The following RBM10 variants were observed in gnomAD, a reference collection of about 807,000 sequenced individuals.
The protein encoded by RBM10 is RNA binding motif protein 10, also known as RNA-binding protein 10.
RBM10 carries 1 observed loss-of-function variant against 84.9 expected under a neutral mutation model. The observed-to-expected ratio is 0.01, with a 90% CI of 0.00 to 0.06. The LOEUF is 0.06. RBM10 is among the 10% of genes least tolerant of loss of function. The pLI is 1.00. For synonymous variants in RBM10, 326 were observed against 344.5 expected (o/e 0.95, Z 0.60); for missense variants, 438 against 839.0 (o/e 0.52, Z 5.90).
At chrX:47,169,223 C>T (rs1049938261) in intron 2 of RBM10, 92 bp from the exon 3 acceptor site, 2 of 951,143 alleles carry the variant, frequency 2.1e-6, no homozygotes, top group Non-Finnish European at 2.9e-6. Context: ...TCCAAAAAAA[C>T]CAAAACCCTA....
Position 47,179,949 on chromosome X carries a change from C to T in RBM10, c.971C>T (p.Ala324Val), listed in dbSNP as rs1377736520. ...ATCCTGGGGGCCCTGGCACCCTACG[C>T]GGTGCTGTCCTCCTCCAACGTGCGC... is the stretch of plus-strand genomic sequence containing the variant. Reference protein sequence around the residue: ...DSILGALAPYAVLSSSNVRVI... With the variant: ...DSILGALAPYVVLSSSNVRVI... Residue 324 changes from alanine to valine, a missense_variant, in exon 10 of 24, where the codon GCG (alanine) becomes GTG (valine). Physicochemically the swap from Ala to Val is moderately conservative, Grantham distance 64. Around this residue, in one of 8 missense-constraint regions of RBM10, gnomAD observed 33 missense variants for 115.0 expected, o/e 0.29. Coordinates refer to ENST00000377604, the MANE Select transcript of RBM10 (RefSeq NM_005676.5). 8.3e-7 allele frequency: 1 copy of T among 1,210,719 alleles called. No homozygotes were observed. The highest frequency in any genetic ancestry group is 1.1e-6 in the Non-Finnish European group (1 of 894,803).
chrX:47,162,429 A>T (rs182456661), intron 2 of RBM10, among the ~76,000 whole-genome samples: 95 of 112,191 alleles, frequency 8.5e-4, no homozygotes, highest in African/African-American at 3.1e-3. Context: ...ACTAGTGATT[A>T]TTGTATAGTA....
At position 47,181,825 on chromosome X, in the gene RBM10, C is replaced by T. The variant is rs782543998; in HGVS notation, c.1652C>T (p.Pro551Leu). 2.0e-5 allele frequency: 24 copies of T among 1,211,644 alleles called. No individual in the cohort carries two copies. Among genetic ancestry groups the T allele is most frequent in the East Asian group, 5.9e-5 (2 of 33,855 alleles). Residue 551 changes from proline to leucine, a missense_variant, in exon 15 of 24, where the codon CCG (proline) becomes CTG (leucine). By Grantham distance (98) the Pro-to-Leu change is moderately conservative. This residue lies in a region of RBM10 where 97 missense variants were observed against 110.3 expected (regional missense o/e 0.88). Transcript: ENST00000377604. Reference protein sequence around the residue: ...SPTHPSSALPPATSPTAQESY... With the variant: ...SPTHPSSALPLATSPTAQESY... ...ACCCATCCTAGTTCTGCTCTCCCAC[C>T]GGCTACCAGCCCCACTGCCCAGGAA...
chrX:47,181,500 C>G lies in RBM10; in HGVS notation c.1436-7C>G. The G allele has an allele frequency of 2.5e-6, 3 of 1,211,815 alleles. No individual in the cohort carries two copies. The highest frequency in any genetic ancestry group is 3.4e-6 in the Non-Finnish European group (3 of 895,399). On this transcript the variant is annotated splice_polypyrimidine_tract_variant and splice_region_variant and intron_variant, in intron 13 of 23. Coordinates refer to ENST00000377604, the MANE Select transcript of RBM10 (RefSeq NM_005676.5). ...AGGCATTGTCCCTGCCCTGTCCCTCCTTACAGGTCCCGAGGCCTCCCTAGA... is the reference window on the plus strand; with the variant it reads ...AGGCATTGTCCCTGCCCTGTCCCTCGTTACAGGTCCCGAGGCCTCCCTAGA...
In RBM10 at chrX:47,179,514, C is replaced by T. The variant is rs782014713; in HGVS notation, c.901+19C>T. On this transcript the variant is annotated intron_variant, in intron 9 of 23. Transcript: ENST00000377604. Reference sequence around the variant, plus strand: ...AATGACAGTGAGTCAGTTGTTCCTTCTTCCTCTGTGCCCTAGGGTGTCGGG... The same window carrying T: ...AATGACAGTGAGTCAGTTGTTCCTTTTTCCTCTGTGCCCTAGGGTGTCGGG... 8.4e-6 allele frequency: 10 copies of T among 1,191,479 alleles called. No individual in the cohort carries two copies. In the Admixed American group the frequency reaches 1.5e-4, roughly 18 times the overall value.
chrX:47,178,951 A>G, intron 7 of RBM10, 152 bp from the exon 8 acceptor site: 1 of 1,089,273 alleles, frequency 9.2e-7, no homozygotes, highest in Non-Finnish European at 1.2e-6. Flanking sequence ...ACTGAGAACA[A>G]CATCAGAAGG....
intron 17 of RBM10, among the ~76,000 whole-genome samples, chrX:47,182,880 A>G (rs1206755300): frequency 8.9e-6 from 1 of 112,588 alleles, no homozygotes; most frequent in African/African-American, 3.2e-5. Flanking sequence ...TCATGCATAT[A>G]AAGTTATACA....
In RBM10 at chrX:47,181,822, C is replaced by T. The variant is rs1556779840; in HGVS notation, c.1649C>T (p.Pro550Leu). ...QSPTHPSSAL[P>L]PATSPTAQES... is the part of the protein sequence containing the mutation. Reference sequence around the variant, plus strand: ...CCTACCCATCCTAGTTCTGCTCTCCCACCGGCTACCAGCCCCACTGCCCAG... The same window carrying T: ...CCTACCCATCCTAGTTCTGCTCTCCTACCGGCTACCAGCCCCACTGCCCAG... The change falls in exon 15 of 24, where the codon CCA becomes CTA. Residue 550 changes from proline to leucine, a missense_variant. Coordinates refer to ENST00000377604, the MANE Select transcript of RBM10 (RefSeq NM_005676.5). 2 of 1,211,642 alleles carry T rather than the reference C, an allele frequency of 1.7e-6. No homozygotes were observed. Among genetic ancestry groups the T allele is most frequent in the Non-Finnish European group, 2.2e-6 (2 of 895,528 alleles).
intron 13 of RBM10, 38 bp downstream of exon 13, chrX:47,181,439 G>A (rs2147186927): frequency 8.3e-7 from 1 of 1,207,972 alleles, no homozygotes; most frequent in South Asian, 1.8e-5. Flanking sequence ...TGTGGTGGGG[G>A]CCAGCAGGCA....
chrX:47,171,299 G>A (rs369544428), intron 4 of RBM10, 41 bp downstream of exon 4: 7 of 1,201,232 alleles, frequency 5.8e-6, no homozygotes, highest in Non-Finnish European at 7.8e-6. Flanking sequence ...GCCAGGCTGG[G>A]TCTCCTCCAG....
intron 2 of RBM10, among the ~76,000 whole-genome samples, chrX:47,156,058 C>T (rs1321847396): frequency 9.1e-6 from 1 of 110,096 alleles, no homozygotes; most frequent in East Asian, 2.9e-4. Flanking sequence ...ATCTGCCTGC[C>T]TCGGCCTCCC....
In RBM10 at chrX:47,181,292, G is replaced by C. The variant is rs868970029; in HGVS notation, c.1326G>C (p.Glu442Asp). Residue 442 changes from glutamate (E) to aspartate (D), a missense_variant, in exon 13 of 24, where the codon GAG becomes GAC. By Grantham distance (45) the Glu-to-Asp change is conservative. Coordinates refer to ENST00000377604, the MANE Select transcript of RBM10 (RefSeq NM_005676.5). ...PVDYSYYQQD[E>D]GYGNSQGTES... ...ACTACAGCTACTACCAACAGGATGA[G>C]GGCTATGGCAACAGCCAGGGCACAG... 8.4e-7 allele frequency: 1 copy of C among 1,185,197 alleles called. No individual in the cohort carries two copies. The highest frequency in any genetic ancestry group is 1.9e-5 in the South Asian group (1 of 54,000).
chrX:47,181,209 C>A lies in RBM10; in HGVS notation c.1249-6C>A. ...TTCTAATGAACCCCTCCCACCTGCC[C>A]TTCAGGCCTCCCAAGGTGGGGAGGG... On this transcript the variant is annotated splice_polypyrimidine_tract_variant and splice_region_variant and intron_variant, in intron 12 of 23. Transcript: ENST00000377604. 9.9e-7 allele frequency: 1 copy of A among 1,006,726 alleles called. No homozygotes were observed. The highest frequency in any genetic ancestry group is 1.3e-6 in the Non-Finnish European group (1 of 774,819). 83.0% of individuals were successfully genotyped at this position (1,006,726 alleles called of 1,213,427 possible).
intron 2 of RBM10, among the ~76,000 whole-genome samples, chrX:47,163,446 A>G (rs1933886262): frequency 8.9e-6 from 1 of 112,220 alleles, no homozygotes; most frequent in African/African-American, 3.2e-5. Flanking sequence ...TTATTTCAAA[A>G]TAAGAAGTTT....
intron 11 of RBM10, 41 bp from the exon 12 acceptor site, chrX:47,180,378 G>A: frequency 8.5e-7 from 1 of 1,170,234 alleles, no homozygotes. Flanking sequence ...CTACCGCTTG[G>A]GGCCTCCTAT....
intron 17 of RBM10, 115 bp from the exon 18 acceptor site, chrX:47,184,940 C>G: frequency 1.1e-6 from 1 of 905,899 alleles, no homozygotes; most frequent in Non-Finnish European, 1.6e-6. Context: ...GTGGTTCGGA[C>G]TAGGGATAGT....
In RBM10 at chrX:47,168,409, G is replaced by T. The variant is rs181249336; in HGVS notation, c.18-906G>T. ...CAAAAAATACAAAAATGAGCTGGGC[G>T]TGGTGGTGCGTGCCTGTGGTCCCAA... On this transcript the variant is annotated intron_variant, in intron 2 of 23. Coordinates refer to ENST00000377604, the MANE Select transcript of RBM10 (RefSeq NM_005676.5). Among the ~76,000 whole-genome samples, 957 of 110,924 alleles carry T rather than the reference G, an allele frequency of 8.6e-3. 10 individuals are homozygous for T. The highest frequency in any genetic ancestry group is 0.03 in the African/African-American group (917 of 30,508).
chrX:47,173,556 C>T (rs1487986071), intron 5 of RBM10, among the ~76,000 whole-genome samples: 1 of 112,452 alleles, frequency 8.9e-6, no homozygotes, highest in Non-Finnish European at 1.9e-5. Context: ...CCTTCCTCTG[C>T]CCCTCACTTT....
intron 2 of RBM10, among the ~76,000 whole-genome samples, chrX:47,150,649 C>G (rs1335676521): frequency 2.7e-5 from 3 of 111,938 alleles, no homozygotes; most frequent in Admixed American, 1.9e-4. Flanking sequence ...ATTTCAGGTT[C>G]CCTCATGTAC....
Sources: gnomAD v4.1 joint callset for allele counts (sites outside exome capture counted in the v4.1 genomes callset) on GRCh38, gnomAD v4.1.1 for gene constraint, gnomAD v4.1.1 regional missense constraint, MANE v1.5 for transcripts, NCBI Gene and HGNC (gene_info 2026-07-23, HGNC 2026-07-21) for gene names.